SLC2A13: variants seen among roughly 807,000 people sequenced by gnomAD.
The protein encoded by SLC2A13 is proton myo-inositol cotransporter.
In SLC2A13, 32 loss-of-function variants were observed where a neutral mutation model predicts 64.4. The observed-to-expected ratio is 0.50, with a 90% CI of 0.37 to 0.67. The LOEUF (loss-of-function observed/expected upper bound fraction) is 0.67, where lower values mean the gene tolerates loss of function less well. Among genes scored for constraint, SLC2A13 ranks in the 30% least tolerant of loss-of-function variants. The probability of loss-of-function intolerance (pLI) is 0.00; values close to 1 mark genes in which losing one functional copy is unlikely to be tolerated. For missense variants in SLC2A13, 743 were observed against 829.2 expected (o/e 0.90, Z 1.28); for synonymous variants, 338 against 327.1 (o/e 1.03, Z -0.36).
intron 4 of SLC2A13, among the ~76,000 whole-genome samples, chr12:39,911,127 T>G (rs1047379798): frequency 6.6e-6 from 1 of 152,086 alleles, no homozygotes; most frequent in South Asian, 2.1e-4. Flanking sequence ...AAATGTTATC[T>G]CATCAATCTC....
At chr12:39,978,330 C>G (rs1215341316) in intron 3 of SLC2A13, among the ~76,000 whole-genome samples, 1 of 152,144 alleles carries the variant, frequency 6.6e-6, no homozygotes. Context: ...CCAAGATGGC[C>G]GAATAGGAAC....
At position 39,760,257 on chromosome 12, in the gene SLC2A13, A is replaced by G; in HGVS notation, c.1721-5T>C. The stretch of plus-strand genomic sequence containing the variant: ...CAGCATAGAGGAAGAAAGCTCCTGC[A>G]ACGGAATATAATAGATACATGAATA... On this transcript the variant is annotated splice_polypyrimidine_tract_variant and splice_region_variant and intron_variant, in intron 9 of 9. Transcript: ENST00000280871. 1 of 1,604,788 alleles carries G rather than the reference A, an allele frequency of 6.2e-7. No individual in the cohort carries two copies. The highest frequency in any genetic ancestry group is 8.5e-7 in the Non-Finnish European group (1 of 1,173,616).
chr12:39,940,162 T>C (rs75829820), intron 4 of SLC2A13, among the ~76,000 whole-genome samples: 8,684 of 152,250 alleles, frequency 0.057, 379 homozygotes, highest in Middle Eastern at 0.14. Context: ...ACATTTTATC[T>C]TTCAACAGCT....
Position 40,037,475 on chromosome 12 carries a change from C to T in SLC2A13, c.717-8966G>A, listed in dbSNP as rs536951073. ...CTCTACAAAAAATACAAAAATTTGC[C>T]GGGTGTGGTTGCATGTGCCTGTGGT... is the stretch of plus-strand genomic sequence containing the variant. On this transcript the variant is annotated intron_variant, in intron 2 of 9. Coordinates refer to ENST00000280871, the MANE Select transcript of SLC2A13 (RefSeq NM_052885.4). 2.6e-5 allele frequency among the ~76,000 whole-genome samples: 4 copies of T among 151,490 alleles called. No homozygotes were observed. In the South Asian group the frequency reaches 6.3e-4, roughly 24 times the overall value.
intron 7 of SLC2A13, among the ~76,000 whole-genome samples, chr12:39,776,197 T>C (rs1940770050): frequency 1.3e-5 from 2 of 152,246 alleles, no homozygotes; most frequent in South Asian, 4.1e-4. Context: ...AAGGGAATTA[T>C]GCATCTTCTC....
At chr12:39,961,215 C>T (rs1946407236) in intron 3 of SLC2A13, among the ~76,000 whole-genome samples, 1 of 151,384 alleles carries the variant, frequency 6.6e-6, no homozygotes, top group South Asian at 2.1e-4. Context: ...CTAGCTGGAA[C>T]TACAGGTGCA....
chr12:39,880,563 A>G (rs1308908682), intron 4 of SLC2A13, among the ~76,000 whole-genome samples: 9 of 152,240 alleles, frequency 5.9e-5, no homozygotes, highest in Admixed American at 5.2e-4. Flanking sequence ...CAAAAATCAT[A>G]GAAACCTGCA....
intron 9 of SLC2A13, among the ~76,000 whole-genome samples, chr12:39,763,322 A>G (rs1170600033): frequency 1.3e-5 from 2 of 152,130 alleles, no homozygotes; most frequent in Non-Finnish European, 2.9e-5. Context: ...TTAGATAAAT[A>G]CCATTAACTA....
At chr12:39,909,859 G>GTTT (rs568950500) in intron 4 of SLC2A13, among the ~76,000 whole-genome samples, 5 of 132,384 alleles carry the variant, frequency 3.8e-5, no homozygotes, top group African/African-American at 1.4e-4. Context: ...CTTACAGTTT[G>GTTT]TTTTTTTTTT....
chr12:39,765,097 A>C (rs1269428878), intron 7 of SLC2A13, among the ~76,000 whole-genome samples: 2 of 152,106 alleles, frequency 1.3e-5, no homozygotes, highest in Non-Finnish European at 2.9e-5. Context: ...CATTTCACAT[A>C]AATTAGACAT....
At chr12:40,033,236 T>C (rs1947930002) in intron 2 of SLC2A13, among the ~76,000 whole-genome samples, 2 of 152,250 alleles carry the variant, frequency 1.3e-5, no homozygotes, top group African/African-American at 4.8e-5. Flanking sequence ...AGTCAAGCTA[T>C]ATTAACTGTT....
At chr12:40,065,423 A>C (rs1272848665) in intron 1 of SLC2A13, among the ~76,000 whole-genome samples, 1 of 137,662 alleles carries the variant, frequency 7.3e-6, no homozygotes, top group Non-Finnish European at 1.5e-5. Flanking sequence ...CTTTACAAGA[A>C]AAAAAAAAAA....
intron 3 of SLC2A13, among the ~76,000 whole-genome samples, chr12:39,958,098 T>A (rs947751947): frequency 1.3e-5 from 2 of 152,238 alleles, no homozygotes; most frequent in Non-Finnish European, 2.9e-5. Flanking sequence ...AATTTCAAAG[T>A]AAATCAAGAT....
rs113659432 is a variant in SLC2A13 at position 40,017,449 on chromosome 12, T to G, written c.925+10852A>C. ...AATTTCTCCCTCTTCTTTAAGGATT[T>G]CCTCATTAATACATCTTCTCTCTAT... On this transcript the variant is annotated intron_variant, in intron 3 of 9. Transcript: ENST00000280871. 8.5e-5 allele frequency among the ~76,000 whole-genome samples: 13 copies of G among 152,332 alleles called. 2 individuals carry two copies. The highest frequency in any genetic ancestry group is 2.9e-4 in the African/African-American group (12 of 41,578).
intron 4 of SLC2A13, among the ~76,000 whole-genome samples, chr12:39,914,875 C>T (rs7960679): frequency 0.011 from 1,596 of 151,884 alleles, 32 homozygotes; most frequent in African/African-American, 0.035. Context: ...AGTATCTTTA[C>T]GACTTCAGTG....
At chr12:39,790,710 T>C (rs1267777003) in intron 7 of SLC2A13, among the ~76,000 whole-genome samples, 1 of 93,604 alleles carries the variant, frequency 1.1e-5, no homozygotes, top group Non-Finnish European at 2.1e-5. Context: ...AGCAGCATGA[T>C]TTATAGTCAT....
Position 40,002,833 on chromosome 12 carries a change from T to G in SLC2A13, c.925+25468A>C, listed in dbSNP as rs190946010. On this transcript the variant is annotated intron_variant, in intron 3 of 9. Coordinates refer to ENST00000280871, the MANE Select transcript of SLC2A13 (RefSeq NM_052885.4). ...CTGATTTCTAGGGTATGGCTGAGTA[T>G]AGTGTATATTCCCCTAAAAAAAAAA... is the stretch of plus-strand genomic sequence containing the variant. Among the ~76,000 whole-genome samples, 206 of 127,000 alleles carry G rather than the reference T, an allele frequency of 1.6e-3. 2 individuals carry two copies. Among genetic ancestry groups the G allele is most frequent in the African/African-American group, 6.1e-3 (200 of 32,822 alleles). 83.3% of individuals were successfully genotyped at this position (127,000 alleles called of 152,430 possible).
chr12:39,772,808 G>A (rs1216431635), intron 7 of SLC2A13, among the ~76,000 whole-genome samples: 1 of 152,112 alleles, frequency 6.6e-6, no homozygotes, highest in Admixed American at 6.5e-5. Context: ...TGCTTGCCCT[G>A]ATGAAGCTTT....
chr12:39,971,728 A>T (rs1430493257), intron 3 of SLC2A13, among the ~76,000 whole-genome samples: 1 of 152,096 alleles, frequency 6.6e-6, no homozygotes, highest in African/African-American at 2.4e-5. Context: ...TAATCCCAGC[A>T]CTTTGGGAGG....
Sources: allele counts gnomAD v4.1 joint callset (sites outside exome capture counted in the v4.1 genomes callset), GRCh38; gene constraint gnomAD v4.1.1; transcripts MANE v1.5; gene names NCBI Gene and HGNC (gene_info 2026-07-23, HGNC 2026-07-21).